SASH1: variants seen among roughly 807,000 people sequenced by gnomAD.
SASH1 encodes SAM and SH3 domain-containing protein 1.
Under a neutral mutation model 125.2 loss-of-function variants are expected in SASH1, and 44 were observed. The ratio of observed to expected loss-of-function variants is 0.35; its 90% CI spans 0.28 to 0.45. The LOEUF (loss-of-function observed/expected upper bound fraction) is 0.45, where lower values mean the gene tolerates loss of function less well. Ranked by LOEUF, SASH1 falls within the 20% of genes least tolerant of loss-of-function variation. The pLI, the probability that SASH1 is intolerant of heterozygous loss-of-function variation, is 1.00. For synonymous variants in SASH1, 639 were observed against 649.1 expected, an observed-to-expected ratio of 0.98 and a Z score of 0.24; for missense variants, 1,426 against 1,614.5, an observed-to-expected ratio of 0.88 and a Z score of 2.00.
chr6:148,304,529 G>C (rs544203893), intron 1 of SASH1, among the ~76,000 whole-genome samples: 46 of 151,644 alleles, frequency 3.0e-4, no homozygotes, highest in African/African-American at 9.4e-4. Context: ...AGACTTGCTC[G>C]AACCGGGGAG....
At chr6:148,326,323 C>CATATGTATATATAT (rs71004286) in intron 1 of SASH1, among the ~76,000 whole-genome samples, 1 of 9,816 alleles carries the variant, frequency 1.0e-4, no homozygotes, top group African/African-American at 4.1e-4. Flanking sequence ...CCACCGCATG[C>CATATGTATATATAT]ATATATATAT....
Position 148,540,435 on chromosome 6 carries a change from T to C in SASH1, c.2096-8T>C. 1 of 1,611,310 alleles carries C rather than the reference T, an allele frequency of 6.2e-7. No individual in the cohort carries two copies. Among genetic ancestry groups the C allele is most frequent in the East Asian group, 2.2e-5 (1 of 44,838 alleles). On this transcript the variant is annotated splice_region_variant and splice_polypyrimidine_tract_variant and intron_variant, in intron 16 of 19. Transcript: ENST00000367467. ...CTTGTTGATTTCATGCCGTGTTCTCTCCTCTAGGTAACAGCGACCAGTCAG... is the reference window on the plus strand; with the variant it reads ...CTTGTTGATTTCATGCCGTGTTCTCCCCTCTAGGTAACAGCGACCAGTCAG...
At position 148,545,814 on chromosome 6, in the gene SASH1, G is replaced by A. The variant is rs182260652; in HGVS notation, c.3349-201G>A. ...TTTTGGGTTGGGTGTGGTGGCTTAC[G>A]CCTGGAATCCCAACACTTTGGGAGG... is the stretch of plus-strand genomic sequence containing the variant. On this transcript the variant is annotated intron_variant, in intron 18 of 19. Coordinates refer to ENST00000367467, the MANE Select transcript of SASH1 (RefSeq NM_015278.5). 1.5e-4 allele frequency among the ~76,000 whole-genome samples: 23 copies of A among 152,340 alleles called. No homozygotes were observed. The East Asian group carries it at 4.1e-3, about 27-fold the overall frequency.
chr6:148,513,315 G>A, intron 8 of SASH1: 4 of 985,446 alleles, frequency 4.1e-6, no homozygotes, highest in African/African-American at 1.7e-5. Flanking sequence ...CGTGCGACGT[G>A]AGCTGGAATT....
chr6:148,335,449 C>T (rs1282042604), intron 1 of SASH1, among the ~76,000 whole-genome samples: 4 of 124,234 alleles, frequency 3.2e-5, no homozygotes, highest in South Asian at 2.6e-4. Context: ...TGGGCAACAG[C>T]GTGAGACTCT....
intron 7 of SASH1, among the ~76,000 whole-genome samples, chr6:148,476,982 T>A (rs530168958): frequency 2.0e-5 from 3 of 152,074 alleles, no homozygotes; most frequent in Non-Finnish European, 4.4e-5. Context: ...ATCTCTTCAA[T>A]AAATGGTGCT....
At chr6:148,262,497 G>A in the SASH1 span, among the ~76,000 whole-genome samples, 1 of 152,112 alleles carries the variant, frequency 6.6e-6, no homozygotes, top group African/African-American at 2.4e-5. Flanking sequence ...CAGGCCACTA[G>A]GCTAACTGCA....
intron 8 of SASH1, among the ~76,000 whole-genome samples, chr6:148,509,632 T>C (rs768211565): frequency 5.9e-5 from 9 of 152,238 alleles, no homozygotes. Context: ...AACTGTGCCA[T>C]ATGGCTTTTG....
chr6:148,245,507 A>G, the SASH1 span, among the ~76,000 whole-genome samples: 2 of 152,342 alleles, frequency 1.3e-5, no homozygotes, highest in African/African-American at 4.8e-5. Context: ...TAATTATCCC[A>G]TAGTAAATGC....
At chr6:148,516,259 G>C (rs1269471391) in intron 9 of SASH1, among the ~76,000 whole-genome samples, 1 of 151,968 alleles carries the variant, frequency 6.6e-6, no homozygotes, top group African/African-American at 2.4e-5. Flanking sequence ...AGGGTGCTGA[G>C]TTGCCGTTGG....
chr6:148,279,635 GT>G (rs1189392244), intron 1 of SASH1, among the ~76,000 whole-genome samples: 1 of 152,126 alleles, frequency 6.6e-6, no homozygotes, highest in Non-Finnish European at 1.5e-5. Flanking sequence ...GTAAATTAGA[GT>G]TATGACTGAG....
At chr6:148,256,861 T>C in the SASH1 span, among the ~76,000 whole-genome samples, 1 of 151,916 alleles carries the variant, frequency 6.6e-6, no homozygotes, top group African/African-American at 2.4e-5. Flanking sequence ...ACTTACAAAA[T>C]AAATAAATAA....
the SASH1 span, among the ~76,000 whole-genome samples, chr6:148,263,341 G>A: frequency 6.6e-6 from 1 of 152,172 alleles, no homozygotes; most frequent in Non-Finnish European, 1.5e-5. Flanking sequence ...GAAGCAGAAG[G>A]CAGTTCTGAG....
At chr6:148,247,059 T>C in the SASH1 span, among the ~76,000 whole-genome samples, 1 of 152,218 alleles carries the variant, frequency 6.6e-6, no homozygotes, top group African/African-American at 2.4e-5. Context: ...TGTCTATCCC[T>C]GAGGACACAA....
At chr6:148,348,370 C>T (rs1466323619) in intron 1 of SASH1, among the ~76,000 whole-genome samples, 2 of 152,202 alleles carry the variant, frequency 1.3e-5, no homozygotes, top group African/African-American at 2.4e-5. Context: ...TGACCTTCTT[C>T]CATGATTCCC....
At chr6:148,303,763 C>T (rs963949346) in intron 1 of SASH1, among the ~76,000 whole-genome samples, 2 of 150,402 alleles carry the variant, frequency 1.3e-5, no homozygotes. Flanking sequence ...CCACAGCACT[C>T]CAGCGACTCT....
chr6:148,444,256 G>A (rs1776684061), intron 4 of SASH1, among the ~76,000 whole-genome samples: 2 of 152,152 alleles, frequency 1.3e-5, no homozygotes, highest in South Asian at 2.1e-4. Context: ...TGTTTCAAAT[G>A]TCTGTTTCTA....
chr6:148,225,804 C>A, the SASH1 span, among the ~76,000 whole-genome samples: 1 of 152,276 alleles, frequency 6.6e-6, no homozygotes, highest in South Asian at 2.1e-4. Context: ...TGGTCTTTCT[C>A]CAAAAAATGA....
Position 148,448,154 on chromosome 6 carries a change from G to A in SASH1, c.386+7747G>A, listed in dbSNP as rs576905490. Among the ~76,000 whole-genome samples the A allele has an allele frequency of 1.9e-3, 293 of 150,912 alleles. 2 individuals are homozygous for A. The Middle Eastern group carries it at 0.024, about 13-fold the overall frequency. On this transcript the variant is annotated intron_variant, in intron 4 of 19. Coordinates refer to ENST00000367467, the MANE Select transcript of SASH1 (RefSeq NM_015278.5). Reference sequence around the variant, plus strand: ...TGTGTGTGTGTATGTGTGTGTGTGCGTGCGTGCGTGCGTTGTCACCTTCCA... The same window carrying A: ...TGTGTGTGTGTATGTGTGTGTGTGCATGCGTGCGTGCGTTGTCACCTTCCA...
Sources: allele counts gnomAD v4.1 joint callset (sites outside exome capture counted in the v4.1 genomes callset), GRCh38; gene constraint gnomAD v4.1.1; transcripts MANE v1.5; gene names NCBI Gene and HGNC (gene_info 2026-07-23, HGNC 2026-07-21).